Variants in CCND1 observed in about 807,000 individuals in gnomAD.
CCND1 encodes G1/S-specific cyclin-D1.
Under a neutral mutation model 26.1 loss-of-function variants are expected in CCND1, and 9 were observed. The observed-to-expected ratio is 0.35, with a 90% CI of 0.21 to 0.60. The LOEUF is 0.60. Among genes scored for constraint, CCND1 ranks in the 20% least tolerant of loss-of-function variants. The pLI is 0.79. For synonymous variants in CCND1, 194 were observed against 166.1 expected, an observed-to-expected ratio of 1.17 and a Z score of -1.29; for missense variants, 335 against 392.9, an observed-to-expected ratio of 0.85 and a Z score of 1.25.
At chr11:69,641,728 G>A (rs1484540079) in intron 1 of CCND1, among the ~76,000 whole-genome samples, 3 of 152,060 alleles carry the variant, frequency 2.0e-5, no homozygotes, top group Non-Finnish European at 4.4e-5. Flanking sequence ...TTTCGTGGGA[G>A]GGGAGAAGGG....
chr11:69,641,611 A>C (rs1369534666), intron 1 of CCND1, 100 bp downstream of exon 1: 2 of 1,198,820 alleles, frequency 1.7e-6, no homozygotes, highest in Admixed American at 3.7e-5. Context: ...TCCCGCTAGA[A>C]CTTTGAAGTT....
intron 4 of CCND1, 108 bp downstream of exon 4, chr11:69,648,250 T>A: frequency 7.3e-7 from 1 of 1,371,546 alleles, no homozygotes; most frequent in South Asian, 1.3e-5. Flanking sequence ...GGTGACAAGG[T>A]TGGGGCTGGG....
At chr11:69,648,241 G>A (rs1453350386) in intron 4 of CCND1, 99 bp downstream of exon 4, 21 of 1,446,442 alleles carry the variant, frequency 1.5e-5, no homozygotes, top group Non-Finnish European at 1.9e-5. Flanking sequence ...GCCCCCAAGG[G>A]TGACAAGGTT....
rs1356268873 is a variant in CCND1 at position 69,641,325 on chromosome 11, G to T, written c.12G>T (p.Gln4His). The T allele has an allele frequency of 2.5e-6, 4 of 1,612,058 alleles. No homozygotes were observed. In the Admixed American group the frequency reaches 6.7e-5, roughly 27 times the overall value. Residue 4 changes from glutamine to histidine, a missense_variant, in exon 1 of 5, where the codon CAG becomes CAT. Coordinates refer to ENST00000227507, the MANE Select transcript of CCND1 (RefSeq NM_053056.3). ...GAAGAGCCCCAGCCATGGAACACCA[G>T]CTCCTGTGCTGCGAAGTGGAAACCA... MEH[Q>H]LLCCEVETIR...
In CCND1 at chr11:69,654,050, G is replaced by A. The variant is rs537238485; in HGVS notation, c.*2768G>A. On this transcript the variant is annotated 3_prime_UTR_variant, in exon 5 of 5. Transcript: ENST00000227507. The surrounding 1 kb of genome is among the most constrained non-coding windows in gnomAD (Gnocchi z 6.3). ...CCAAAAGAATTTGCACCCCGCTGCGGGCCCACGTGGTTGGGGCCCTGCCCT... is the reference window on the plus strand; with the variant it reads ...CCAAAAGAATTTGCACCCCGCTGCGAGCCCACGTGGTTGGGGCCCTGCCCT... 2.5e-4 allele frequency: 149 copies of A among 603,560 alleles called. 1 individual carries two copies. The South Asian group carries it at 2.8e-3, about 11-fold the overall frequency. The allele number at this position is 603,560 out of a possible 1,614,324, so 37.4% of individuals were successfully genotyped here. A position where few individuals can be genotyped will look rare whatever the true frequency, so the allele number is the denominator to read the frequency against.
chr11:69,646,144 G>A (rs1024576210), intron 3 of CCND1, among the ~76,000 whole-genome samples: 2 of 152,196 alleles, frequency 1.3e-5, no homozygotes, highest in Admixed American at 1.3e-4. Context: ...GGGTGCACAA[G>A]GTGCGGAGCC....
At chr11:69,648,217 A>T (rs2120111032) in intron 4 of CCND1, 75 bp downstream of exon 4, 1 of 1,559,740 alleles carries the variant, frequency 6.4e-7, no homozygotes, top group Non-Finnish European at 8.8e-7. Context: ...GGAAATGCCG[A>T]GGCTGGTGCC....
intron 1 of CCND1, 25 bp from the exon 2 acceptor site, chr11:69,643,006 G>T (rs562736037): frequency 2.7e-6 from 4 of 1,505,288 alleles, no homozygotes; most frequent in East Asian, 2.5e-5. Flanking sequence ...TGGCGGCGGC[G>T]GTCACGGGCC....
chr11:69,642,144 AG>A (rs542156757), intron 1 of CCND1, among the ~76,000 whole-genome samples: 1 of 145,330 alleles, frequency 6.9e-6, no homozygotes, highest in African/African-American at 2.6e-5. Flanking sequence ...CCGCTAGGGA[AG>A]GGGGGGCCTT....
At chr11:69,643,645 TG>T in intron 2 of CCND1, 186 bp from the exon 3 acceptor site, 1 of 548,506 alleles carries the variant, frequency 1.8e-6, no homozygotes, top group Non-Finnish European at 3.2e-6. Flanking sequence ...GATTGCGTGT[TG>T]CCCCAGCTCC....
Position 69,653,131 on chromosome 11 carries a change from G to A in CCND1, c.*1849G>A, listed in dbSNP as rs1486041951. On this transcript the variant is annotated 3_prime_UTR_variant, in exon 5 of 5. Transcript: ENST00000227507. Reference sequence around the variant, plus strand: ...TGTTGAAGGGAGGTGGCAAGAGTGTGGAGGCTGACGTGTGAGGGAGGACAG... The same window carrying A: ...TGTTGAAGGGAGGTGGCAAGAGTGTAGAGGCTGACGTGTGAGGGAGGACAG... 1 of 577,364 alleles carries A rather than the reference G, an allele frequency of 1.7e-6. No homozygotes were observed. The highest frequency in any genetic ancestry group is 3.1e-6 in the Non-Finnish European group (1 of 327,050). The allele number at this position is 577,364 out of a possible 1,614,324, so 35.8% of individuals were successfully genotyped here.
chr11:69,641,384 A>C lies in CCND1; in HGVS notation c.71A>C (p.Asn24Thr), dbSNP rs2120080320. Residue 24 changes from asparagine (N) to threonine (T), a missense_variant, in exon 1 of 5, where the codon AAC becomes ACC. Transcript: ENST00000227507. ...RRAYPDANLL[N>T]DRVLRAMLKA... ...GCGTACCCCGATGCCAACCTCCTCA[A>C]CGACCGGGTGCTGCGGGCCATGCTG... 1 of 1,613,312 alleles carries C rather than the reference A, an allele frequency of 6.2e-7. No individual in the cohort carries two copies. Among genetic ancestry groups the C allele is most frequent in the Non-Finnish European group, 8.5e-7 (1 of 1,179,986 alleles).
intron 4 of CCND1, among the ~76,000 whole-genome samples, chr11:69,649,090 C>T (rs1484263718): frequency 2.0e-5 from 3 of 152,164 alleles, no homozygotes; most frequent in African/African-American, 7.2e-5. Flanking sequence ...TTGCACCCTG[C>T]CCCGTGTTAT....
At chr11:69,644,583 C>T (rs1019092191) in intron 3 of CCND1, among the ~76,000 whole-genome samples, 1 of 152,204 alleles carries the variant, frequency 6.6e-6, no homozygotes, top group Non-Finnish European at 1.5e-5. Flanking sequence ...CCTGAGGGGG[C>T]GCTTCAGAGC....
Position 69,643,981 on chromosome 11 carries a change from C to G in CCND1, c.564C>G (p.Leu188=), listed in dbSNP as rs1184195977. ...IRKHAQTFVA[L]CATDVKFISN... is the part of the protein sequence containing the mutation. Reference sequence around the variant, plus strand: ...AACACGCGCAGACCTTCGTTGCCCTCTGTGCCACAGGTAGGGCAGGCCCGG... The same window carrying G: ...AACACGCGCAGACCTTCGTTGCCCTGTGTGCCACAGGTAGGGCAGGCCCGG... Residue 188 remains leucine (L), a synonymous_variant, in exon 3 of 5, where the codon CTC becomes CTG. Transcript: ENST00000227507. The G allele has an allele frequency of 6.2e-7, 1 of 1,613,378 alleles. No homozygotes were observed.
Position 69,641,410 on chromosome 11 carries a change from A to C in CCND1, c.97A>C (p.Lys33Gln). The C allele has an allele frequency of 6.2e-7, 1 of 1,613,428 alleles. No homozygotes were observed. Among genetic ancestry groups the C allele is most frequent in the South Asian group, 1.1e-5 (1 of 91,082 alleles). Residue 33 changes from lysine to glutamine, a missense_variant, in exon 1 of 5, where the codon AAG becomes CAG. Physicochemically the swap from Lys to Gln is moderately conservative, Grantham distance 53. Transcript: ENST00000227507. ...LNDRVLRAMLKAEETCAPSVS... is the reference protein window; with the variant it reads ...LNDRVLRAMLQAEETCAPSVS... ...CGACCGGGTGCTGCGGGCCATGCTGAAGGCGGAGGAGACCTGCGCGCCCTC... is the reference window on the plus strand; with the variant it reads ...CGACCGGGTGCTGCGGGCCATGCTGCAGGCGGAGGAGACCTGCGCGCCCTC...
At chr11:69,643,749 G>C (rs1293634630) in intron 2 of CCND1, 83 bp from the exon 3 acceptor site, 17 of 1,382,020 alleles carry the variant, frequency 1.2e-5, no homozygotes, top group South Asian at 6.6e-5. Flanking sequence ...GTGCGGCGTG[G>C]CCCGGCCCCC....
At position 69,653,396 on chromosome 11, in the gene CCND1, G is replaced by A; in HGVS notation, c.*2114G>A. The A allele has an allele frequency of 3.1e-6, 2 of 642,858 alleles. No homozygotes were observed. The highest frequency in any genetic ancestry group is 5.7e-5 in the Admixed American group (2 of 34,808). 39.8% of individuals were successfully genotyped at this position (642,858 alleles called of 1,614,324 possible). On this transcript the variant is annotated 3_prime_UTR_variant, in exon 5 of 5. Coordinates refer to ENST00000227507, the MANE Select transcript of CCND1 (RefSeq NM_053056.3). The stretch of plus-strand genomic sequence containing the variant: ...AGTTTTAGTTTTCTCTTAGAACATT[G>A]TATTACAGATGCCTTTTTTGTAGTT...
intron 4 of CCND1, among the ~76,000 whole-genome samples, chr11:69,650,837 G>C (rs1248626863): frequency 6.6e-6 from 1 of 152,132 alleles, no homozygotes; most frequent in Non-Finnish European, 1.5e-5. Flanking sequence ...ACATGGGGAC[G>C]GGCAGGGGGT....
Sources: gnomAD v4.1 joint callset for allele counts (sites outside exome capture counted in the v4.1 genomes callset) on GRCh38, gnomAD v4.1.1 for gene constraint, Gnocchi (gnomAD v3.1) non-coding constraint, MANE v1.5 for transcripts, NCBI Gene and HGNC (gene_info 2026-07-23, HGNC 2026-07-21) for gene names.